Variants in HNRNPC observed in about 807,000 individuals in gnomAD.
HNRNPC encodes heterogeneous nuclear ribonucleoprotein C.
In HNRNPC, 3 loss-of-function variants were observed where a neutral mutation model predicts 33.2. That is an observed-to-expected ratio of 0.09 (90% CI 0.04 to 0.23). The LOEUF is 0.23. Ranked by LOEUF, HNRNPC falls within the 10% of genes least tolerant of loss-of-function variation. The pLI, the probability that HNRNPC is intolerant of heterozygous loss-of-function variation, is 1.00. For missense variants in HNRNPC, 143 were observed against 366.7 expected, an observed-to-expected ratio of 0.39 and a Z score of 4.98; for synonymous variants, 121 against 126.7, an observed-to-expected ratio of 0.96 and a Z score of 0.30.
chr14:21,219,793 A>C (rs564908871), intron 5 of HNRNPC, among the ~76,000 whole-genome samples: 1 of 152,296 alleles, frequency 6.6e-6, no homozygotes, highest in African/African-American at 2.4e-5. Context: ...TGCTTACTTA[A>C]TATCTCTCCA....
At chr14:21,234,368 A>G in intron 2 of HNRNPC, 139 bp from the exon 3 acceptor site, 1 of 639,062 alleles carries the variant, frequency 1.6e-6, no homozygotes, top group South Asian at 2.3e-5. Flanking sequence ...AGCATTAAGT[A>G]TGTATTTGCT....
At chr14:21,216,950 T>G (rs1474854456) in intron 5 of HNRNPC, among the ~76,000 whole-genome samples, 2 of 152,236 alleles carry the variant, frequency 1.3e-5, no homozygotes, top group South Asian at 2.1e-4. Context: ...GTACTATCAC[T>G]GGAATTTCCT....
At chr14:21,245,165 A>C (rs894067494) in intron 2 of HNRNPC, among the ~76,000 whole-genome samples, 8 of 151,982 alleles carry the variant, frequency 5.3e-5, no homozygotes, top group African/African-American at 1.9e-4. Context: ...TGTGTACTTC[A>C]AAAAAGAAAA....
intron 2 of HNRNPC, among the ~76,000 whole-genome samples, chr14:21,248,918 G>A (rs1192205583): frequency 6.9e-6 from 1 of 144,728 alleles, no homozygotes; most frequent in African/African-American, 2.7e-5. Context: ...GAGAAAACAA[G>A]TGCCTGACAA....
At chr14:21,212,645 C>T (rs1448881441) in intron 6 of HNRNPC, among the ~76,000 whole-genome samples, 4 of 151,806 alleles carry the variant, frequency 2.6e-5, no homozygotes, top group Non-Finnish European at 2.9e-5. Flanking sequence ...TGGGTAAAAG[C>T]GATTCTCCTG....
At chr14:21,219,122 A>AAAAAAAAGAAG (rs771795365) in intron 5 of HNRNPC, among the ~76,000 whole-genome samples, 2 of 150,392 alleles carry the variant, frequency 1.3e-5, no homozygotes, top group Non-Finnish European at 3.0e-5. Context: ...AAAAAAAAAA[A>AAAAAAAAGAAG]AAGAAGAAAA....
At chr14:21,252,027 TA>T (rs1309826018) in intron 2 of HNRNPC, among the ~76,000 whole-genome samples, 2 of 152,204 alleles carry the variant, frequency 1.3e-5, no homozygotes, top group Non-Finnish European at 2.9e-5. Context: ...AGTATTCTCT[TA>T]AACAGCCAAA....
chr14:21,219,956 A>G (rs1892639577), intron 5 of HNRNPC, among the ~76,000 whole-genome samples: 1 of 152,178 alleles, frequency 6.6e-6, no homozygotes, highest in Admixed American at 6.5e-5. Context: ...CTCACAACAT[A>G]AGCAAATTTC....
At chr14:21,212,071 T>A (rs991999565) in intron 6 of HNRNPC, 148 bp from the exon 7 acceptor site, 40 of 636,830 alleles carry the variant, frequency 6.3e-5, no homozygotes, top group Middle Eastern at 2.6e-4. Context: ...ATAAAGGCCC[T>A]TGGTTCTATT....
chr14:21,268,883 T>C (rs770840912), intron 1 of HNRNPC, among the ~76,000 whole-genome samples: 1 of 152,126 alleles, frequency 6.6e-6, no homozygotes. Context: ...ATACATCTAC[T>C]TGGTAACCTT....
intron 5 of HNRNPC, among the ~76,000 whole-genome samples, chr14:21,229,888 A>G (rs1594241919): frequency 1.3e-5 from 2 of 152,246 alleles, no homozygotes; most frequent in East Asian, 3.8e-4. Context: ...ATGAGTTTGA[A>G]CGCGACAAGC....
intron 2 of HNRNPC, among the ~76,000 whole-genome samples, chr14:21,250,520 C>A (rs531803035): frequency 6.6e-6 from 1 of 152,146 alleles, no homozygotes; most frequent in Non-Finnish European, 1.5e-5. Flanking sequence ...ATGGTTATAT[C>A]ACGCCAAGAT....
At chr14:21,253,710 CCGCT>C (rs1250382002) in intron 2 of HNRNPC, among the ~76,000 whole-genome samples, 1 of 152,074 alleles carries the variant, frequency 6.6e-6, no homozygotes, top group Non-Finnish European at 1.5e-5. Context: ...GTATTAGTGG[CCGCT>C]AACACTGCCA....
chr14:21,254,421 T>C (rs542436621), intron 2 of HNRNPC: 1 of 152,310 alleles, frequency 6.6e-6, no homozygotes, highest in South Asian at 2.1e-4. Flanking sequence ...TTTTGAAGTT[T>C]ATATAAGCCC....
intron 2 of HNRNPC, among the ~76,000 whole-genome samples, chr14:21,238,640 C>A (rs1895001233): frequency 6.6e-6 from 1 of 152,132 alleles, no homozygotes; most frequent in African/African-American, 2.4e-5. Context: ...CCTGTATATA[C>A]TCAAATATTT....
chr14:21,253,539 A>G (rs955568282), intron 2 of HNRNPC, among the ~76,000 whole-genome samples: 5 of 151,946 alleles, frequency 3.3e-5, no homozygotes, highest in African/African-American at 1.2e-4. Flanking sequence ...TGTGAATCTC[A>G]AACTATACAC....
intron 1 of HNRNPC, among the ~76,000 whole-genome samples, chr14:21,267,095 CAAAAAA>C (rs56203257): frequency 3.1e-4 from 32 of 104,102 alleles, no homozygotes; most frequent in Middle Eastern, 5.4e-3. Context: ...GACTCCGTCT[CAAAAAA>C]AAAAAAAAAA....
chr14:21,230,175 T>C, intron 5 of HNRNPC, 144 bp downstream of exon 5: 1 of 534,938 alleles, frequency 1.9e-6, no homozygotes, highest in South Asian at 2.5e-5. Context: ...ATCTACTTAA[T>C]GATTTAGAAA....
At chr14:21,228,894 G>T (rs1488994463) in intron 5 of HNRNPC, among the ~76,000 whole-genome samples, 1 of 150,030 alleles carries the variant, frequency 6.7e-6, no homozygotes, top group African/African-American at 2.5e-5. Context: ...AGACCAGCCT[G>T]GCCAACATGG....
Sources: gnomAD v4.1 joint callset for allele counts (sites outside exome capture counted in the v4.1 genomes callset) on GRCh38, gnomAD v4.1.1 for gene constraint, MANE v1.5 for transcripts, NCBI Gene and HGNC (gene_info 2026-07-23, HGNC 2026-07-21) for gene names.